SUGCT: variants seen among roughly 807,000 people sequenced by gnomAD.
SUGCT encodes the protein succinyl-CoA:glutarate-CoA transferase.
In SUGCT, 41 loss-of-function variants were observed where a neutral mutation model predicts 55.0. That is an observed-to-expected ratio of 0.74 (90% CI 0.58 to 0.97). The LOEUF (loss-of-function observed/expected upper bound fraction) is 0.97, where lower values mean the gene tolerates loss of function less well. Ranked by LOEUF, SUGCT falls within the 50% of genes least tolerant of loss-of-function variation. SUGCT has a pLI of 0.00. For missense variants in SUGCT, 568 were observed against 547.8 expected (o/e 1.04, Z -0.37); for synonymous variants, 187 against 200.4 (o/e 0.93, Z 0.56).
chr7:40,827,799 C>T (rs1792416127), intron 13 of SUGCT, among the ~76,000 whole-genome samples: 1 of 152,098 alleles, frequency 6.6e-6, no homozygotes, highest in Non-Finnish European at 1.5e-5. Flanking sequence ...AGAACTTAAA[C>T]TTCACAAAAG....
chr7:40,195,313 C>G (rs1056091489), intron 6 of SUGCT, among the ~76,000 whole-genome samples: 1 of 151,208 alleles, frequency 6.6e-6, no homozygotes, highest in African/African-American at 2.4e-5. Flanking sequence ...CCTCTGACTC[C>G]CTGGTTCAAG....
chr7:40,894,755 T>C, the SUGCT span, among the ~76,000 whole-genome samples: 1 of 152,078 alleles, frequency 6.6e-6, no homozygotes, highest in African/African-American at 2.4e-5. Context: ...CAAAACTACA[T>C]TGAGATACCA....
chr7:40,482,542 C>T (rs1470851057), intron 11 of SUGCT, among the ~76,000 whole-genome samples: 1 of 152,028 alleles, frequency 6.6e-6, no homozygotes, highest in Non-Finnish European at 1.5e-5. Flanking sequence ...AGTAGTTCTT[C>T]ACAAAGAGGT....
At chr7:40,744,295 C>A (rs1421863442) in intron 12 of SUGCT, among the ~76,000 whole-genome samples, 1 of 152,062 alleles carries the variant, frequency 6.6e-6, no homozygotes, top group East Asian at 1.9e-4. Context: ...GGGTCCATCC[C>A]CTTCAAATAC....
chr7:40,622,536 T>A (rs1799317962), intron 12 of SUGCT, among the ~76,000 whole-genome samples: 1 of 149,408 alleles, frequency 6.7e-6, no homozygotes. Context: ...TTGTTTTTTT[T>A]TTTTTTTTTT....
At chr7:40,900,131 A>G in the SUGCT span, among the ~76,000 whole-genome samples, 1 of 152,214 alleles carries the variant, frequency 6.6e-6, no homozygotes, top group Admixed American at 6.5e-5. Flanking sequence ...TGTGCTTTCC[A>G]GATTTGGAAA....
rs549095065 is a variant in SUGCT at position 40,166,842 on chromosome 7, G to A, written c.101-14105G>A. ...GTGGAGGTTGCAGTGAGCCGAGATT[G>A]CGCCACTGCACTCCAGCCTGGGTGA... On this transcript the variant is annotated intron_variant, in intron 1 of 13. Transcript: ENST00000335693. Among the ~76,000 whole-genome samples the A allele has an allele frequency of 6.0e-5, 9 of 149,170 alleles. 1 individual carries two copies. Among genetic ancestry groups the A allele is most frequent in the Middle Eastern group, 7.0e-3 (2 of 286 alleles).
chr7:40,440,606 A>T (rs186340022), intron 9 of SUGCT, among the ~76,000 whole-genome samples: 167 of 152,266 alleles, frequency 1.1e-3, no homozygotes, highest in Non-Finnish European at 2.0e-3. Flanking sequence ...CTCAACCATG[A>T]TATTCATGAT....
chr7:40,592,227 C>T (rs1019018), intron 12 of SUGCT, among the ~76,000 whole-genome samples: 24,221 of 152,008 alleles, frequency 0.16, 2,734 homozygotes, highest in African/African-American at 0.32. Flanking sequence ...AATTATGGGC[C>T]GTCCAATTTA....
At chr7:41,015,782 G>A in the SUGCT span, among the ~76,000 whole-genome samples, 1 of 152,128 alleles carries the variant, frequency 6.6e-6, no homozygotes, top group Admixed American at 6.6e-5. Context: ...TTTATTTCTA[G>A]ATTTGTCTGT....
At chr7:40,839,468 T>C (rs1793164674) in intron 13 of SUGCT, among the ~76,000 whole-genome samples, 1 of 152,200 alleles carries the variant, frequency 6.6e-6, no homozygotes, top group Non-Finnish European at 1.5e-5. Flanking sequence ...TCTTCTATAT[T>C]CTGGAAGTGA....
intron 12 of SUGCT, among the ~76,000 whole-genome samples, chr7:40,666,355 A>AAAGGAAGGAAGGAAGGAAGGAAGT (rs1801631926): frequency 8.2e-6 from 1 of 121,812 alleles, no homozygotes; most frequent in African/African-American, 3.9e-5. Context: ...CTCAAGAAAG[A>AAAGGAAGGAAGGAAGGAAGGAAGT]AAGGAAGGAA....
chr7:40,187,291 G>A (rs542142377), intron 3 of SUGCT, among the ~76,000 whole-genome samples: 1 of 152,232 alleles, frequency 6.6e-6, no homozygotes, highest in Non-Finnish European at 1.5e-5. Flanking sequence ...GTCGTGGGGT[G>A]TGGGGAGTGG....
intron 12 of SUGCT, among the ~76,000 whole-genome samples, chr7:40,594,174 G>T (rs1054221632): frequency 6.6e-6 from 1 of 152,050 alleles, no homozygotes; most frequent in African/African-American, 2.4e-5. Flanking sequence ...GGGGACTGTG[G>T]TGGGGTGCGG....
chr7:40,732,327 T>C (rs1322050473), intron 12 of SUGCT, among the ~76,000 whole-genome samples: 1 of 152,154 alleles, frequency 6.6e-6, no homozygotes, highest in East Asian at 1.9e-4. Context: ...GTGATGGCAT[T>C]TGGGGCTCAC....
chr7:40,849,351 C>A (rs145554199), intron 13 of SUGCT, among the ~76,000 whole-genome samples: 1 of 151,918 alleles, frequency 6.6e-6, no homozygotes, highest in Non-Finnish European at 1.5e-5. Context: ...TTACTTTAAC[C>A]CTTAGTGCTG....
At chr7:40,309,388 C>T (rs1274247801) in intron 8 of SUGCT, among the ~76,000 whole-genome samples, 4 of 151,978 alleles carry the variant, frequency 2.6e-5, no homozygotes, top group Admixed American at 6.6e-5. Flanking sequence ...CTGCAACCTC[C>T]GCCTCAAGCG....
chr7:40,436,132 A>G (rs528816129), intron 9 of SUGCT, among the ~76,000 whole-genome samples: 1 of 151,550 alleles, frequency 6.6e-6, no homozygotes, highest in Non-Finnish European at 1.5e-5. Flanking sequence ...TAGTAGAGAC[A>G]GGGTTTCGTC....
intron 12 of SUGCT, among the ~76,000 whole-genome samples, chr7:40,701,756 T>C (rs1373119732): frequency 6.6e-6 from 1 of 152,204 alleles, no homozygotes. Context: ...CCCCAATTGC[T>C]AAACTTCACT....
Sources: gnomAD v4.1 joint callset for allele counts (sites outside exome capture counted in the v4.1 genomes callset) on GRCh38, gnomAD v4.1.1 for gene constraint, MANE v1.5 for transcripts, NCBI Gene and HGNC (gene_info 2026-07-23, HGNC 2026-07-21) for gene names.